SLC34A2: variants seen among roughly 807,000 people sequenced by gnomAD.
SLC34A2 encodes the protein solute carrier family 34 member 2, also known as sodium-dependent phosphate transport protein 2B.
A neutral mutation model predicts 50.8 loss-of-function variants in SLC34A2; 41 were observed. The ratio of observed to expected loss-of-function variants is 0.81; its 90% CI spans 0.63 to 1.05. The LOEUF is 1.05. Among genes scored for constraint, SLC34A2 ranks in the 50% least tolerant of loss-of-function variants. The pLI is 0.00. For synonymous variants in SLC34A2, 401 were observed against 364.2 expected (o/e 1.10, Z -1.15); for missense variants, 879 against 876.7 (o/e 1.00, Z -0.03).
At chr4:25,674,253 C>G (rs370745763) in intron 10 of SLC34A2, 43 bp from the exon 11 acceptor site, 17 of 1,529,648 alleles carry the variant, frequency 1.1e-5, no homozygotes, top group Non-Finnish European at 1.5e-5. Flanking sequence ...CAGGCCATAC[C>G]TTCCCCGGAG....
intron 5 of SLC34A2, 130 bp downstream of exon 5, chr4:25,666,401 C>T (rs1714505914): frequency 4.8e-6 from 5 of 1,031,576 alleles, no homozygotes; most frequent in Non-Finnish European, 7.0e-6. Flanking sequence ...GGTATCTTGC[C>T]CCAGCTACAA....
Position 25,676,317 on chromosome 4 carries a change from C to T in SLC34A2, c.1641C>T (p.Leu547=), listed in dbSNP as rs1715112000. ...TGATCCCGCTGACGGTGTTTGGCCT[C>T]TCGCTGGCCGGCTGGCGGGTGCTGG... is the stretch of plus-strand genomic sequence containing the variant. ...FFLIPLTVFG[L]SLAGWRVLVG... The change falls in exon 13 of 13, where the codon CTC becomes CTT. Residue 547 remains leucine, a synonymous_variant. Transcript: ENST00000382051. 30 of 1,614,234 alleles carry T rather than the reference C, an allele frequency of 1.9e-5. No individual in the cohort carries two copies. Among genetic ancestry groups the T allele is most frequent in the Non-Finnish European group, 2.5e-5 (30 of 1,180,052 alleles).
rs1320835320 is a variant in SLC34A2 at position 25,658,261 on chromosome 4, C to G, written c.-4+2371C>G. 3.3e-5 allele frequency among the ~76,000 whole-genome samples: 5 copies of G among 152,164 alleles called. No individual in the cohort carries two copies. In the South Asian group the frequency reaches 6.2e-4, roughly 19 times the overall value. Reference sequence around the variant, plus strand: ...TAAACACTACTTGGCTACCATGTGCCCAGCACTGTCCTATGTGCTGGGGAT... The same window carrying G: ...TAAACACTACTTGGCTACCATGTGCGCAGCACTGTCCTATGTGCTGGGGAT... On this transcript the variant is annotated intron_variant, in intron 1 of 12. Transcript: ENST00000382051.
rs1402547020 is a variant in SLC34A2 at position 25,670,777 on chromosome 4, G to C, written c.871G>C (p.Glu291Gln). 1.2e-6 allele frequency: 2 copies of C among 1,613,868 alleles called. No individual in the cohort carries two copies. The highest frequency in any genetic ancestry group is 1.7e-6 in the Non-Finnish European group (2 of 1,179,928). The change falls in exon 8 of 13, where the codon GAA becomes CAA. Residue 291 changes from glutamate to glutamine, a missense_variant. Coordinates refer to ENST00000382051, the MANE Select transcript of SLC34A2 (RefSeq NM_006424.3). The stretch of plus-strand genomic sequence containing the variant: ...TATCAGCCAAATTGCAATGAACGAT[G>C]AAAAAGCGAAAAACAAGAGTCTTGT... ...KVISQIAMND[E>Q]KAKNKSLVKI...
chr4:25,662,982 C>CTTT, intron 3 of SLC34A2, 140 bp downstream of exon 3: 6 of 792,412 alleles, frequency 7.6e-6, no homozygotes, highest in Non-Finnish European at 1.1e-5. Context: ...ACCCTCTCAT[C>CTTT]TTTTTTTTTT....
chr4:25,662,661 G>C, intron 2 of SLC34A2, 44 bp from the exon 3 acceptor site: 1 of 1,614,022 alleles, frequency 6.2e-7, no homozygotes, highest in Non-Finnish European at 8.5e-7. Flanking sequence ...AGGACCCCAG[G>C]AGACTCAGGT....
rs556233120 is a variant in SLC34A2, at chr4:25,674,512, C to T, written c.1341C>T (p.Gly447=). ...TSALTPLIGI[G]VITIERAYPL... ...GTTTTGTGTTTCCCCCAGGAATCGG[C>T]GTGATAACCATTGAGAGGGCTTATC... The change falls in exon 12 of 13, where the codon GGC becomes GGT. Residue 447 remains glycine (G), a synonymous_variant. Transcript: ENST00000382051. The T allele has an allele frequency of 1.2e-5, 19 of 1,614,216 alleles. No homozygotes were observed. The highest frequency in any genetic ancestry group is 2.7e-5 in the African/African-American group (2 of 75,064).
intron 1 of SLC34A2, among the ~76,000 whole-genome samples, chr4:25,656,966 G>A (rs748240821): frequency 5.9e-5 from 9 of 152,158 alleles, no homozygotes; most frequent in Non-Finnish European, 1.2e-4. Flanking sequence ...TGTGCTTGTA[G>A]GAGTGGCCGT....
rs1227597338 is a variant in SLC34A2 at position 25,666,142 on chromosome 4, C to A, written c.394C>A (p.Gln132Lys). The A allele has an allele frequency of 1.2e-6, 2 of 1,613,614 alleles. No individual in the cohort carries two copies. Among genetic ancestry groups the A allele is most frequent in the African/African-American group, 2.7e-5 (2 of 74,896 alleles). The change falls in exon 5 of 13, where the codon CAG becomes AAG. Residue 132 changes from glutamine to lysine, a missense_variant. Coordinates refer to ENST00000382051, the MANE Select transcript of SLC34A2 (RefSeq NM_006424.3). Reference sequence around the variant, plus strand: ...GTTTTTCCCAGGAAAAATGGCAGGACAGTTCTTCAGCAACAGCTCTATTAT... The same window carrying A: ...GTTTTTCCCAGGAAAAATGGCAGGAAAGTTCTTCAGCAACAGCTCTATTAT... ...FQLVGGKMAG[Q>K]FFSNSSIMSN...
chr4:25,663,140 G>C (rs923140983), intron 3 of SLC34A2, among the ~76,000 whole-genome samples: 1 of 152,166 alleles, frequency 6.6e-6, no homozygotes, highest in East Asian at 1.9e-4. Flanking sequence ...ATTTTTAATA[G>C]AGATGGGGTT....
At chr4:25,670,855 C>A in intron 8 of SLC34A2, 22 bp downstream of exon 8, 1 of 1,579,820 alleles carries the variant, frequency 6.3e-7, no homozygotes. Flanking sequence ...AGAATATTCC[C>A]GGGGCGGGGA....
chr4:25,672,213 A>G (rs1577501404), intron 9 of SLC34A2, among the ~76,000 whole-genome samples: 2 of 152,292 alleles, frequency 1.3e-5, no homozygotes, highest in Non-Finnish European at 1.5e-5. Flanking sequence ...GCTCAAGCCT[A>G]TAATTCCAGC....
intron 6 of SLC34A2, 69 bp from the exon 7 acceptor site, chr4:25,669,578 A>G: frequency 1.4e-6 from 2 of 1,383,852 alleles, no homozygotes; most frequent in Non-Finnish European, 2.1e-6. Flanking sequence ...TGATACAGGT[A>G]ATGACCCACC....
rs761110177 is a variant in SLC34A2, at chr4:25,676,236, C to T, written c.1560C>T (p.Asn520=). The change falls in exon 13 of 13, where the codon AAC becomes AAT. Residue 520 remains asparagine (N), a synonymous_variant. Coordinates refer to ENST00000382051, the MANE Select transcript of SLC34A2 (RefSeq NM_006424.3). ...TCCGCATGGCCAAGGGGCTGGGCAA[C>T]ATCTCTGCCAAGTATCGCTGGTTCG... ...LPIRMAKGLG[N]ISAKYRWFAV... 6.2e-7 allele frequency: 1 copy of T among 1,614,204 alleles called. No homozygotes were observed. Among genetic ancestry groups the T allele is most frequent in the Non-Finnish European group, 8.5e-7 (1 of 1,180,034 alleles).
At chr4:25,668,169 C>T (rs1400795650) in intron 6 of SLC34A2, among the ~76,000 whole-genome samples, 178 bp downstream of exon 6, 1 of 152,208 alleles carries the variant, frequency 6.6e-6, no homozygotes, top group African/African-American at 2.4e-5. Flanking sequence ...GCTGATTAGA[C>T]TCAGCTCCCT....
intron 3 of SLC34A2, 74 bp from the exon 4 acceptor site, chr4:25,664,128 C>A: frequency 1.3e-6 from 2 of 1,527,096 alleles, no homozygotes; most frequent in South Asian, 2.2e-5. Context: ...GAGCTCATTG[C>A]CAAACTTCTC....
chr4:25,662,780 C>T lies in SLC34A2; in HGVS notation c.188C>T (p.Pro63Leu), dbSNP rs1714275487. 6.2e-7 allele frequency: 1 copy of T among 1,613,916 alleles called. No individual in the cohort carries two copies. The highest frequency in any genetic ancestry group is 1.7e-5 in the Admixed American group (1 of 59,976). The change falls in exon 3 of 13, where the codon CCC becomes CTC. Residue 63 changes from proline to leucine, a missense_variant. Transcript: ENST00000382051. ...TCCACGGCTACACTGATAGATGAGC[C>T]CACTGAGGTGGATGACCCCTGGAAC... is the stretch of plus-strand genomic sequence containing the variant. ...SYSTATLIDE[P>L]TEVDDPWNLP...
intron 6 of SLC34A2, among the ~76,000 whole-genome samples, chr4:25,668,690 T>C (rs760255052): frequency 6.6e-6 from 1 of 151,748 alleles, no homozygotes; most frequent in Non-Finnish European, 1.5e-5. Flanking sequence ...GTCATAATTA[T>C]AACTTATTTA....
chr4:25,676,904 C>A lies in SLC34A2; in HGVS notation c.*155C>A. The A allele has an allele frequency of 1.0e-6, 1 of 994,512 alleles. No individual in the cohort carries two copies. Among genetic ancestry groups the A allele is most frequent in the Non-Finnish European group, 1.4e-6 (1 of 721,740 alleles). The allele number at this position is 994,512 out of a possible 1,614,324, so 61.6% of individuals were successfully genotyped here. A position where few individuals can be genotyped will look rare whatever the true frequency, so the allele number is the denominator to read the frequency against. Reference sequence around the variant, plus strand: ...TCCTACCTAACTCGATTCCCTTTGGCTTGGTGGTAGGCCTGCAGGGCACTT... The same window carrying A: ...TCCTACCTAACTCGATTCCCTTTGGATTGGTGGTAGGCCTGCAGGGCACTT... On this transcript the variant is annotated 3_prime_UTR_variant, in exon 13 of 13. Transcript: ENST00000382051.
Sources: allele counts gnomAD v4.1 joint callset (sites outside exome capture counted in the v4.1 genomes callset), GRCh38; gene constraint gnomAD v4.1.1; transcripts MANE v1.5; gene names NCBI Gene and HGNC (gene_info 2026-07-23, HGNC 2026-07-21).